RHBDD1: variants seen among roughly 807,000 people sequenced by gnomAD.
The protein encoded by RHBDD1 is rhomboid-related protein 4.
A neutral mutation model predicts 36.3 loss-of-function variants in RHBDD1; 38 were observed. The ratio of observed to expected loss-of-function variants is 1.05; its 90% CI spans 0.81 to 1.37. RHBDD1 has a LOEUF of 1.37. Ranked by LOEUF, RHBDD1 falls within the 40% of genes most tolerant of loss-of-function variation. The probability of loss-of-function intolerance (pLI) is 0.00; values close to 1 mark genes in which losing one functional copy is unlikely to be tolerated. For synonymous variants in RHBDD1, 151 were observed against 136.5 expected (o/e 1.11, Z -0.74); for missense variants, 393 against 377.6 (o/e 1.04, Z -0.34).
chr2:226,891,325 T>G (rs1293602004), intron 5 of RHBDD1, among the ~76,000 whole-genome samples: 1 of 152,204 alleles, frequency 6.6e-6, no homozygotes. Context: ...TCGTTGCCAC[T>G]TGACTCTCTC....
intron 7 of RHBDD1, 83 bp downstream of exon 7, chr2:226,908,961 A>G (rs1293500420): frequency 1.1e-6 from 1 of 887,506 alleles, no homozygotes; most frequent in African/African-American, 1.7e-5. Flanking sequence ...TTAGGATACT[A>G]CTAGTTTCTG....
intron 8 of RHBDD1, among the ~76,000 whole-genome samples, chr2:226,956,094 G>T (rs1293847944): frequency 1.3e-5 from 2 of 152,150 alleles, no homozygotes; most frequent in Non-Finnish European, 2.9e-5. Context: ...TGCACAGATT[G>T]TATGATTAGT....
chr2:226,868,628 A>G (rs981845887), intron 5 of RHBDD1, among the ~76,000 whole-genome samples: 3 of 152,080 alleles, frequency 2.0e-5, no homozygotes, highest in Admixed American at 2.0e-4. Flanking sequence ...GACAGTTTTT[A>G]TTTTGGTTTT....
chr2:226,826,105 A>G, the RHBDD1 span, among the ~76,000 whole-genome samples: 2 of 152,164 alleles, frequency 1.3e-5, no homozygotes, highest in Non-Finnish European at 2.9e-5. Flanking sequence ...AATCAAGGAG[A>G]TCTGGCTTAT....
At chr2:226,988,431 C>T in intron 8 of RHBDD1, 1 of 1,550,302 alleles carries the variant, frequency 6.5e-7, no homozygotes. Context: ...CTGAAGCAGG[C>T]CGCAGTTTGG....
intron 3 of RHBDD1, among the ~76,000 whole-genome samples, chr2:226,853,505 A>G (rs1014562717): frequency 6.6e-6 from 1 of 152,210 alleles, no homozygotes; most frequent in Non-Finnish European, 1.5e-5. Flanking sequence ...GAGGCAGGAA[A>G]CTGCAGGGCT....
chr2:226,896,871 C>T (rs557239786), intron 5 of RHBDD1, among the ~76,000 whole-genome samples: 7 of 152,160 alleles, frequency 4.6e-5, no homozygotes, highest in East Asian at 1.9e-4. Context: ...GGCACCATCT[C>T]GGCTCACTAC....
chr2:226,906,590 G>A lies in RHBDD1; in HGVS notation c.567-203G>A, dbSNP rs1020173697. 4.3e-6 allele frequency: 5 copies of A among 1,155,036 alleles called. No individual in the cohort carries two copies. The East Asian group carries it at 1.3e-4, about 30-fold the overall frequency. The allele number at this position is 1,155,036 out of a possible 1,614,324, so 71.5% of individuals were successfully genotyped here. A position where few individuals can be genotyped will look rare whatever the true frequency, so the allele number is the denominator to read the frequency against. The stretch of plus-strand genomic sequence containing the variant: ...AGGGGTGTTGCGTTTTAAACATGTG[G>A]TGGTTGTTATTCATTGTACTTTTTT... On this transcript the variant is annotated intron_variant, in intron 5 of 8. Transcript: ENST00000392062.
intron 5 of RHBDD1, among the ~76,000 whole-genome samples, chr2:226,880,701 A>T (rs780465069): frequency 6.6e-6 from 1 of 152,248 alleles, no homozygotes; most frequent in Non-Finnish European, 1.5e-5. Flanking sequence ...AACTGGGGAC[A>T]CATTGAGAAC....
intron 8 of RHBDD1, among the ~76,000 whole-genome samples, chr2:226,990,279 A>G (rs142166170): frequency 2.6e-5 from 4 of 152,306 alleles, no homozygotes; most frequent in African/African-American, 9.6e-5. Flanking sequence ...TTTGCAGTTC[A>G]TGGAATGCTA....
Position 226,864,634 on chromosome 2 carries a change from C to T in RHBDD1, c.-60C>T. The T allele has an allele frequency of 1.4e-6, 2 of 1,420,574 alleles. No individual in the cohort carries two copies. The highest frequency in any genetic ancestry group is 2.0e-6 in the Non-Finnish European group (2 of 1,022,350). The allele number at this position is 1,420,574 out of a possible 1,614,324, so 88.0% of individuals were successfully genotyped here. A position where few individuals can be genotyped will look rare whatever the true frequency, so the allele number is the denominator to read the frequency against. ...GCCGTCTGTATATCTCCCCAGATACCTGAAACTGACCACCTGAGTACGTTT... is the reference window on the plus strand; with the variant it reads ...GCCGTCTGTATATCTCCCCAGATACTTGAAACTGACCACCTGAGTACGTTT... On this transcript the variant is annotated 5_prime_UTR_variant, in exon 4 of 9. Transcript: ENST00000392062.
intron 3 of RHBDD1, among the ~76,000 whole-genome samples, chr2:226,846,588 G>A (rs1942245196): frequency 6.6e-6 from 1 of 151,742 alleles, no homozygotes; most frequent in Admixed American, 6.6e-5. Flanking sequence ...TACTAAAACT[G>A]CAAAAATTAA....
At chr2:226,982,290 G>T (rs1559343209) in intron 8 of RHBDD1, among the ~76,000 whole-genome samples, 1 of 152,220 alleles carries the variant, frequency 6.6e-6, no homozygotes, top group Non-Finnish European at 1.5e-5. Context: ...ATGGATGCCA[G>T]GTGGCTGTCA....
intron 8 of RHBDD1, among the ~76,000 whole-genome samples, chr2:226,985,280 A>C (rs1956682884): frequency 6.6e-6 from 1 of 152,168 alleles, no homozygotes; most frequent in Admixed American, 6.5e-5. Context: ...GTGCCTTGTC[A>C]GTCTCCTCTG....
chr2:226,942,913 TC>T (rs1950756604), intron 8 of RHBDD1, among the ~76,000 whole-genome samples: 1 of 152,232 alleles, frequency 6.6e-6, no homozygotes, highest in African/African-American at 2.4e-5. Flanking sequence ...TTCCCATTAC[TC>T]CAGTTACTTA....
At chr2:226,828,530 CCATCAACAATGTATGAG>C in the RHBDD1 span, among the ~76,000 whole-genome samples, 1 of 152,128 alleles carries the variant, frequency 6.6e-6, no homozygotes, top group East Asian at 1.9e-4. Context: ...CTTTATAATC[CCATCAACAATGTATGAG>C]CATCACAGTT....
intron 8 of RHBDD1, among the ~76,000 whole-genome samples, chr2:226,952,577 C>G (rs527525615): frequency 6.6e-6 from 1 of 152,312 alleles, no homozygotes; most frequent in East Asian, 1.9e-4. Context: ...GCATGAGCCA[C>G]CATTCCCGGC....
rs538597297 is a variant in RHBDD1, at chr2:226,997,857, G to A, written c.*2335G>A. 2 of 152,322 alleles carry A rather than the reference G, an allele frequency of 1.3e-5. No individual in the cohort carries two copies. The highest frequency in any genetic ancestry group is 2.4e-5 in the African/African-American group (1 of 41,578). 9.4% of individuals were successfully genotyped at this position (152,322 alleles called of 1,614,324 possible). Reference sequence around the variant, plus strand: ...TCTGGAAATTATTATAATTATTTTAGTTAATGGACTTGCCTGTAACAAGTG... The same window carrying A: ...TCTGGAAATTATTATAATTATTTTAATTAATGGACTTGCCTGTAACAAGTG... On this transcript the variant is annotated 3_prime_UTR_variant, in exon 9 of 9. Transcript: ENST00000392062.
chr2:226,966,934 C>G (rs1055004781), intron 8 of RHBDD1, among the ~76,000 whole-genome samples: 1 of 151,876 alleles, frequency 6.6e-6, no homozygotes, highest in Non-Finnish European at 1.5e-5. Flanking sequence ...GTGTGAGACC[C>G]GGGATTATGT....
Sources: allele counts gnomAD v4.1 joint callset (sites outside exome capture counted in the v4.1 genomes callset), GRCh38; gene constraint gnomAD v4.1.1; transcripts MANE v1.5; gene names NCBI Gene and HGNC (gene_info 2026-07-23, HGNC 2026-07-21).